KMT2C: variants seen among roughly 807,000 people sequenced by gnomAD.
The protein encoded by KMT2C is lysine methyltransferase 2C, also known as histone-lysine N-methyltransferase 2C.
In KMT2C, 88 loss-of-function variants were observed where a neutral mutation model predicts 507.9. The observed-to-expected ratio is 0.17, with a 90% confidence interval of 0.15 to 0.21. The LOEUF is 0.21. Ranked by LOEUF, KMT2C falls within the 10% of genes least tolerant of loss-of-function variation. The probability of loss-of-function intolerance (pLI) is 1.00; values close to 1 mark genes in which losing one functional copy is unlikely to be tolerated. For missense variants in KMT2C, 4,954 were observed against 5,957.8 expected (o/e 0.83, Z 5.55); for synonymous variants, 2,049 against 2,080.8 (o/e 0.98, Z 0.42).
intron 1 of KMT2C, among the ~76,000 whole-genome samples, chr7:152,407,658 C>A (rs1433316671): frequency 2.6e-3 from 310 of 117,260 alleles, no homozygotes; most frequent in Middle Eastern, 9.3e-3. Flanking sequence ...GGCGACACAG[C>A]GAGACTCTGT....
At chr7:152,347,317 T>C (rs2097069418) in intron 2 of KMT2C, among the ~76,000 whole-genome samples, 2 of 152,204 alleles carry the variant, frequency 1.3e-5, no homozygotes, top group Admixed American at 6.5e-5. Context: ...ACTTTGCTTC[T>C]TGTAGGGAGC....
intron 11 of KMT2C, 57 bp from the exon 12 acceptor site, chr7:152,251,023 A>C: frequency 1.0e-6 from 1 of 954,194 alleles, no homozygotes; most frequent in Non-Finnish European, 1.7e-6. Flanking sequence ...TTTGTTCATT[A>C]AGTCAACAAT....
At position 152,383,574 on chromosome 7, in the gene KMT2C, G is replaced by A. The variant is rs546206921; in HGVS notation, c.162-24899C>T. ...GTTATGGGAACTAGTTTGTATATGC[G>A]GGGCACAGAGCATACACTTAGATAA... On this transcript the variant is annotated intron_variant, in intron 1 of 58. Coordinates refer to ENST00000262189, the MANE Select transcript of KMT2C (RefSeq NM_170606.3). Among the ~76,000 whole-genome samples, 7 of 152,256 alleles carry A rather than the reference G, an allele frequency of 4.6e-5. No individual in the cohort carries two copies. The South Asian group carries it at 6.2e-4, about 14-fold the overall frequency.
chr7:152,297,118 G>A (rs986857331), intron 6 of KMT2C, among the ~76,000 whole-genome samples: 13 of 149,698 alleles, frequency 8.7e-5, no homozygotes, highest in Non-Finnish European at 1.6e-4. Flanking sequence ...GTGAATATAT[G>A]TGAACATATA....
At chr7:152,354,427 G>A (rs1371155084) in intron 2 of KMT2C, among the ~76,000 whole-genome samples, 1 of 152,116 alleles carries the variant, frequency 6.6e-6, no homozygotes, top group Non-Finnish European at 1.5e-5. Flanking sequence ...GGATAAATAA[G>A]GTAACAAGAC....
chr7:152,222,719 T>C (rs1308571137), intron 20 of KMT2C, 37 bp from the exon 21 acceptor site: 3 of 1,171,116 alleles, frequency 2.6e-6, no homozygotes. Context: ...TTTTAAAAAA[T>C]GGAATATACT....
chr7:152,283,146 T>C (rs2885101), intron 6 of KMT2C, among the ~76,000 whole-genome samples: 380 of 130,394 alleles, frequency 2.9e-3, no homozygotes, highest in Admixed American at 5.4e-3. Flanking sequence ...ACACATAACT[T>C]CCACATAAAA....
chr7:152,298,275 G>A (rs1479523498), intron 6 of KMT2C, among the ~76,000 whole-genome samples: 4 of 151,966 alleles, frequency 2.6e-5, no homozygotes, highest in African/African-American at 4.8e-5. Flanking sequence ...GCCATAAAAA[G>A]ACCTATTAAC....
chr7:152,220,414 A>AT (rs1310287910), intron 23 of KMT2C, 109 bp downstream of exon 23: 39 of 860,978 alleles, frequency 4.5e-5, no homozygotes, highest in Middle Eastern at 3.4e-4. Context: ...TCAGGGGTTA[A>AT]CTAAGTCAGT....
At chr7:152,235,207 G>GTGTATATATATATATATATATATATATA (rs1554561903) in intron 16 of KMT2C, among the ~76,000 whole-genome samples, 1 of 142,424 alleles carries the variant, frequency 7.0e-6, no homozygotes, top group African/African-American at 2.7e-5. Context: ...TTTCAAGGGT[G>GTGTATATATATATATATATATATATATA]TATATATATA....
At chr7:152,172,883 C>T (rs1480182654) in intron 39 of KMT2C, among the ~76,000 whole-genome samples, 1 of 152,010 alleles carries the variant, frequency 6.6e-6, no homozygotes, top group Non-Finnish European at 1.5e-5. Flanking sequence ...TGGTTTATTG[C>T]TAAATTTGTT....
intron 1 of KMT2C, among the ~76,000 whole-genome samples, chr7:152,384,473 A>G (rs2097402362): frequency 6.6e-6 from 1 of 151,800 alleles, no homozygotes; most frequent in Admixed American, 6.6e-5. Flanking sequence ...TTCAAAATGC[A>G]GCTCAAGGAT....
intron 1 of KMT2C, among the ~76,000 whole-genome samples, chr7:152,393,337 G>C (rs1484336874): frequency 6.6e-6 from 1 of 152,076 alleles, no homozygotes; most frequent in Non-Finnish European, 1.5e-5. Context: ...CTCATTTACA[G>C]CTCCAAAATA....
intron 16 of KMT2C, 34 bp from the exon 17 acceptor site, chr7:152,230,355 A>G (rs1384090198): frequency 1.0e-6 from 1 of 967,814 alleles, no homozygotes. Context: ...ATACGAAGTT[A>G]TATTTTTCAC....
chr7:152,296,995 G>GAA (rs756795851), intron 6 of KMT2C, among the ~76,000 whole-genome samples: 1 of 30,488 alleles, frequency 3.3e-5, no homozygotes, highest in Non-Finnish European at 8.1e-5. Context: ...AAGAAAGAAA[G>GAA]AAAAAGAAAG....
At chr7:152,352,067 T>C (rs1299404836) in intron 2 of KMT2C, among the ~76,000 whole-genome samples, 1 of 152,070 alleles carries the variant, frequency 6.6e-6, no homozygotes, top group Non-Finnish European at 1.5e-5. Flanking sequence ...ATGGAAGAAA[T>C]ATCGCTGAAT....
At chr7:152,309,507 C>CTTTTTTT (rs60166582) in intron 6 of KMT2C, among the ~76,000 whole-genome samples, 4 of 87,970 alleles carry the variant, frequency 4.5e-5, no homozygotes, top group Non-Finnish European at 8.5e-5. Flanking sequence ...CATAAAATAA[C>CTTTTTTT]TTTTTTTTTT....
chr7:152,255,126 T>TATATATATATATATATATAC (rs1563606263), intron 9 of KMT2C, among the ~76,000 whole-genome samples: 4 of 119,760 alleles, frequency 3.3e-5, no homozygotes, highest in Middle Eastern at 4.2e-3. Flanking sequence ...TATATATATA[T>TATATATATATATATATATAC]ATATATATAT....
chr7:152,341,738 CA>C (rs1047777321), intron 2 of KMT2C, among the ~76,000 whole-genome samples: 1 of 152,094 alleles, frequency 6.6e-6, no homozygotes, highest in Admixed American at 6.6e-5. Flanking sequence ...GTGTCAATTA[CA>C]AACTTTCATA....
Sources: allele counts gnomAD v4.1 joint callset (sites outside exome capture counted in the v4.1 genomes callset), GRCh38; gene constraint gnomAD v4.1.1; transcripts MANE v1.5; gene names NCBI Gene and HGNC (gene_info 2026-07-23, HGNC 2026-07-21).